The following PDZRN4 variants were observed in gnomAD, a reference collection of about 807,000 sequenced individuals.
PDZRN4 encodes the protein PDZ domain containing ring finger 4.
A neutral mutation model predicts 99.0 loss-of-function variants in PDZRN4; 70 were observed. The ratio of observed to expected loss-of-function variants is 0.71; its 90% CI spans 0.58 to 0.86. The LOEUF (loss-of-function observed/expected upper bound fraction) is 0.86, where lower values mean the gene tolerates loss of function less well. Among genes scored for constraint, PDZRN4 ranks in the 40% least tolerant of loss-of-function variants. The probability of loss-of-function intolerance (pLI) is 0.00; values close to 1 mark genes in which losing one functional copy is unlikely to be tolerated. For missense variants in PDZRN4, 1,474 were observed against 1,331.2 expected (o/e 1.11, Z -1.67); for synonymous variants, 551 against 501.6 (o/e 1.10, Z -1.32).
chr12:41,276,724 G>A (rs1268203568), intron 3 of PDZRN4, among the ~76,000 whole-genome samples: 1 of 152,114 alleles, frequency 6.6e-6, no homozygotes, highest in East Asian at 1.9e-4. Context: ...GGAATAGAAG[G>A]TAGTCATACT....
At chr12:41,537,920 A>T (rs2098411905) in intron 5 of PDZRN4, among the ~76,000 whole-genome samples, 1 of 151,996 alleles carries the variant, frequency 6.6e-6, no homozygotes, top group African/African-American at 2.4e-5. Context: ...TTCTGATGCC[A>T]GCAGAAAGAA....
At chr12:41,552,574 C>T (rs915270312) in intron 5 of PDZRN4, 82 bp from the exon 6 acceptor site, 1 of 1,071,120 alleles carries the variant, frequency 9.3e-7, no homozygotes, top group Non-Finnish European at 1.4e-6. Context: ...CCAGAGTAAC[C>T]CAAAGAATAT....
intron 5 of PDZRN4, among the ~76,000 whole-genome samples, chr12:41,550,726 C>T (rs285588): frequency 0.13 from 19,240 of 152,070 alleles, 1,242 homozygotes; most frequent in African/African-American, 0.16. Context: ...ATTTGCAGTA[C>T]CTATCTCAGA....
At chr12:41,559,707 G>C (rs574998573) in intron 7 of PDZRN4, among the ~76,000 whole-genome samples, 1 of 152,190 alleles carries the variant, frequency 6.6e-6, no homozygotes, top group Admixed American at 6.5e-5. Flanking sequence ...TAAACTCGTT[G>C]ATATGGTTTA....
At position 41,407,712 on chromosome 12, in the gene PDZRN4, G is replaced by GA. The variant is rs5797731; in HGVS notation, c.844-98732dup. Among the ~76,000 whole-genome samples, 904 of 138,122 alleles carry GA rather than the reference G, an allele frequency of 6.5e-3. 11 individuals carry two copies. Among genetic ancestry groups the GA allele is most frequent in the Admixed American group, 0.011 (151 of 13,920 alleles). The allele number at this position is 138,122 out of a possible 152,430, so 90.6% of individuals were successfully genotyped here. On this transcript the variant is annotated intron_variant, in intron 3 of 9. Coordinates refer to ENST00000402685, the MANE Select transcript of PDZRN4 (RefSeq NM_001164595.2). Reference sequence around the variant, plus strand: ...CTGCAGTGTTTACATGTACAAAAGAGAAAAAAAAAAAACAAATGGCATATT... The same window carrying GA: ...CTGCAGTGTTTACATGTACAAAAGAGAAAAAAAAAAAAACAAATGGCATATT...
rs577856386 is a variant in PDZRN4 at position 41,442,400 on chromosome 12, C to T, written c.844-64056C>T. ...AATTAATCTCTCCCACCTTCGGACT[C>T]CTTTTCATGTTTGCCTGCCTGGTAT... On this transcript the variant is annotated intron_variant, in intron 3 of 9. Transcript: ENST00000402685. Among the ~76,000 whole-genome samples the T allele has an allele frequency of 5.9e-4, 90 of 152,188 alleles. 1 individual carries two copies. Among genetic ancestry groups the T allele is most frequent in the African/African-American group, 2.0e-3 (84 of 41,522 alleles).
chr12:41,290,507 T>C (rs1485846077), intron 3 of PDZRN4, among the ~76,000 whole-genome samples: 1 of 152,028 alleles, frequency 6.6e-6, no homozygotes, highest in African/African-American at 2.4e-5. Flanking sequence ...TGAAAAAAAA[T>C]CACCCTTCAG....
chr12:41,212,380 T>C (rs1950894147), intron 3 of PDZRN4, among the ~76,000 whole-genome samples: 2 of 152,020 alleles, frequency 1.3e-5, no homozygotes, highest in Non-Finnish European at 2.9e-5. Flanking sequence ...TTCCCTACTA[T>C]TTTTATTTAC....
intron 3 of PDZRN4, among the ~76,000 whole-genome samples, chr12:41,455,466 G>A (rs991093295): frequency 6.6e-6 from 1 of 152,118 alleles, no homozygotes; most frequent in African/African-American, 2.4e-5. Context: ...ACAAAGAGTT[G>A]CACTTCCAGA....
chr12:41,286,438 A>G (rs1193139076), intron 3 of PDZRN4, among the ~76,000 whole-genome samples: 1 of 146,020 alleles, frequency 6.8e-6, no homozygotes, highest in Non-Finnish European at 1.5e-5. Flanking sequence ...CAACCTCCTT[A>G]GAGACTCTAT....
At chr12:41,301,005 A>C (rs1951531930) in intron 3 of PDZRN4, among the ~76,000 whole-genome samples, 1 of 152,064 alleles carries the variant, frequency 6.6e-6, no homozygotes, top group African/African-American at 2.4e-5. Context: ...ATTATCTATA[A>C]GGGGAATTTC....
chr12:41,489,194 G>A (rs1310756848), intron 3 of PDZRN4, among the ~76,000 whole-genome samples: 1 of 152,040 alleles, frequency 6.6e-6, no homozygotes, highest in East Asian at 1.9e-4. Context: ...CAAAAGGTTG[G>A]ACACCTCTGC....
chr12:41,558,949 GA>G (rs1361838069), intron 7 of PDZRN4, among the ~76,000 whole-genome samples: 1 of 152,190 alleles, frequency 6.6e-6, no homozygotes, highest in Non-Finnish European at 1.5e-5. Flanking sequence ...CTTTCCCAGA[GA>G]GATGAGAGTG....
intron 3 of PDZRN4, among the ~76,000 whole-genome samples, chr12:41,480,141 G>A (rs887395728): frequency 1.3e-5 from 2 of 152,030 alleles, no homozygotes; most frequent in Non-Finnish European, 2.9e-5. Context: ...CTTCTCTCAT[G>A]CACGATAATC....
At chr12:41,412,855 C>T (rs1386411850) in intron 3 of PDZRN4, among the ~76,000 whole-genome samples, 8 of 152,014 alleles carry the variant, frequency 5.3e-5, no homozygotes, top group East Asian at 1.9e-4. Context: ...TTTGGGAGGC[C>T]GAGGTGGGCA....
At chr12:41,430,238 G>A (rs1952576596) in intron 3 of PDZRN4, among the ~76,000 whole-genome samples, 1 of 152,182 alleles carries the variant, frequency 6.6e-6, no homozygotes, top group Non-Finnish European at 1.5e-5. Flanking sequence ...GGGAGGCCAA[G>A]GTGGGTGGAT....
At chr12:41,422,337 G>T (rs1343139739) in intron 3 of PDZRN4, among the ~76,000 whole-genome samples, 1 of 152,144 alleles carries the variant, frequency 6.6e-6, no homozygotes. Flanking sequence ...TGAGCTGTGT[G>T]TCACAGGTAC....
intron 3 of PDZRN4, among the ~76,000 whole-genome samples, chr12:41,214,420 C>A (rs1212665662): frequency 1.0e-4 from 3 of 29,010 alleles, no homozygotes; most frequent in African/African-American, 2.6e-4. Flanking sequence ...TAGAAGGAGA[C>A]CCTGTCCCCT....
At chr12:41,539,097 GTA>G (rs150428112) in intron 5 of PDZRN4, among the ~76,000 whole-genome samples, 129 of 150,842 alleles carry the variant, frequency 8.6e-4, no homozygotes, top group African/African-American at 3.0e-3. Context: ...ATATATGTGT[GTA>G]TATATATATA....
Sources: allele counts gnomAD v4.1 joint callset (sites outside exome capture counted in the v4.1 genomes callset), GRCh38; gene constraint gnomAD v4.1.1; transcripts MANE v1.5; gene names NCBI Gene and HGNC (gene_info 2026-07-23, HGNC 2026-07-21).